The following DLGAP3 variants were observed in gnomAD, a reference collection of about 807,000 sequenced individuals.
DLGAP3 encodes the protein DLG associated protein 3, also known as disks large-associated protein 3.
Under a neutral mutation model 81.2 loss-of-function variants are expected in DLGAP3, and 17 were observed. That is an observed-to-expected ratio of 0.21 (90% CI 0.14 to 0.31). The LOEUF (loss-of-function observed/expected upper bound fraction) is 0.31, where lower values mean the gene tolerates loss of function less well. DLGAP3 is among the 10% of genes least tolerant of loss of function. The probability of loss-of-function intolerance (pLI) is 1.00; values close to 1 mark genes in which losing one functional copy is unlikely to be tolerated. For synonymous variants in DLGAP3, 577 were observed against 587.4 expected, an observed-to-expected ratio of 0.98 and a Z score of 0.26; for missense variants, 1,124 against 1,388.0, an observed-to-expected ratio of 0.81 and a Z score of 3.02.
chr1:34,899,320 G>A lies in DLGAP3; in HGVS notation c.1386+349C>T, dbSNP rs563332397. ...CCTGACCTCGTGATCCGACCACCTC[G>A]GCCTCCCAAAGTGCTGGGATCACAG... On this transcript the variant is annotated intron_variant, in intron 5 of 11. Coordinates refer to ENST00000373347, the MANE Select transcript of DLGAP3 (RefSeq NM_001080418.3). 1.3e-3 allele frequency among the ~76,000 whole-genome samples: 193 copies of A among 152,212 alleles called. 1 individual carries two copies. Among genetic ancestry groups the A allele is most frequent in the Middle Eastern group, 3.4e-3 (1 of 294 alleles).
chr1:34,892,160 G>A (rs1020619042), intron 5 of DLGAP3, among the ~76,000 whole-genome samples: 1 of 152,122 alleles, frequency 6.6e-6, no homozygotes, highest in Non-Finnish European at 1.5e-5. Flanking sequence ...TCACAACAAA[G>A]AGAGAGAGAT....
chr1:34,888,839 A>G (rs2148404045), intron 5 of DLGAP3, among the ~76,000 whole-genome samples: 1 of 152,308 alleles, frequency 6.6e-6, no homozygotes, highest in Admixed American at 6.5e-5. Context: ...TTCCTAAAAC[A>G]CAGGAACTGA....
chr1:34,909,092 A>G (rs547902496), intron 1 of DLGAP3, among the ~76,000 whole-genome samples: 1 of 152,356 alleles, frequency 6.6e-6, no homozygotes, highest in African/African-American at 2.4e-5. Flanking sequence ...AGCCCAGACT[A>G]TCCCATTTGC....
chr1:34,880,887 C>T (rs72657947), intron 8 of DLGAP3, among the ~76,000 whole-genome samples: 2,919 of 152,158 alleles, frequency 0.019, 46 homozygotes, highest in Middle Eastern at 0.041. Context: ...GGTCAATAAT[C>T]ACTAAAGAAA....
At chr1:34,898,499 T>C (rs539770932) in intron 5 of DLGAP3, among the ~76,000 whole-genome samples, 2 of 152,332 alleles carry the variant, frequency 1.3e-5, no homozygotes, top group East Asian at 3.9e-4. Flanking sequence ...GCCAATCAGA[T>C]TTCCTGGTTC....
intron 3 of DLGAP3, among the ~76,000 whole-genome samples, chr1:34,903,528 G>C (rs557300806): frequency 1.3e-5 from 2 of 152,280 alleles, no homozygotes; most frequent in South Asian, 4.1e-4. Flanking sequence ...ATGAGGCTGG[G>C]GTGAAGGCTC....
At position 34,867,515 on chromosome 1, in the gene DLGAP3, T is replaced by C; in HGVS notation, c.2577+21A>G. Reference sequence around the variant, plus strand: ...TCTGGGTCACATGTATCTGGTAGGATCTACTACTATGGGCACTCACCATGC... The same window carrying C: ...TCTGGGTCACATGTATCTGGTAGGACCTACTACTATGGGCACTCACCATGC... On this transcript the variant is annotated intron_variant, in intron 10 of 11. Transcript: ENST00000373347. This position sits in a 1 kb window ranked among gnomAD's most constrained non-coding sequence, Gnocchi z 4.3. 1 of 1,597,518 alleles carries C rather than the reference T, an allele frequency of 6.3e-7. No individual in the cohort carries two copies.
rs568566655 is a variant in DLGAP3, at chr1:34,910,923, G to C, written c.-134-3486C>G. ...TAGAACAATGCTTAGCATATGGCAG[G>C]CATTTGTTGAGTGAATGTGAGTCTA... is the stretch of plus-strand genomic sequence containing the variant. On this transcript the variant is annotated intron_variant, in intron 1 of 11. Transcript: ENST00000373347. Among the ~76,000 whole-genome samples the C allele has an allele frequency of 2.6e-3, 389 of 152,088 alleles. 3 individuals carry two copies. Among genetic ancestry groups the C allele is most frequent in the African/African-American group, 8.8e-3 (367 of 41,498 alleles).
At chr1:34,907,620 T>C (rs972053481) in intron 1 of DLGAP3, among the ~76,000 whole-genome samples, 183 bp from the exon 2 acceptor site, 2 of 152,170 alleles carry the variant, frequency 1.3e-5, no homozygotes, top group African/African-American at 2.4e-5. Context: ...ATTATGCAAA[T>C]ACATTCAAAT....
intron 1 of DLGAP3, among the ~76,000 whole-genome samples, chr1:34,927,341 C>T (rs1166253480): frequency 3.3e-5 from 5 of 152,158 alleles, no homozygotes; most frequent in East Asian, 3.9e-4. Context: ...CTCACAAATT[C>T]GTTGTGTGAC....
chr1:34,899,637 C>A, intron 5 of DLGAP3, 32 bp downstream of exon 5: 1 of 1,573,280 alleles, frequency 6.4e-7, no homozygotes, highest in Non-Finnish European at 8.7e-7. Flanking sequence ...CTTTTTCACT[C>A]TTTCCTCCAG....
chr1:34,915,463 A>G (rs1343703994), intron 1 of DLGAP3, among the ~76,000 whole-genome samples: 2 of 152,170 alleles, frequency 1.3e-5, no homozygotes, highest in East Asian at 3.9e-4. Flanking sequence ...GCCTGGCCAT[A>G]CCAATGACCT....
intron 8 of DLGAP3, among the ~76,000 whole-genome samples, chr1:34,872,365 G>A (rs1476160058): frequency 6.6e-6 from 1 of 152,170 alleles, no homozygotes; most frequent in Non-Finnish European, 1.5e-5. Context: ...GTCAGGAGGT[G>A]GAGAAAACTA....
chr1:34,899,662 T>C lies in DLGAP3; in HGVS notation c.1386+7A>G. On this transcript the variant is annotated splice_region_variant and intron_variant, in intron 5 of 11. Coordinates refer to ENST00000373347, the MANE Select transcript of DLGAP3 (RefSeq NM_001080418.3). ...CTTTCCTCCAGGCATACTGGGCCTC[T>C]CCCTACCTGTCCAGTGGTGAGGGAA... The C allele has an allele frequency of 6.2e-7, 1 of 1,612,446 alleles. No individual in the cohort carries two copies. Among genetic ancestry groups the C allele is most frequent in the Non-Finnish European group, 8.5e-7 (1 of 1,178,674 alleles).
At position 34,866,144 on chromosome 1, in the gene DLGAP3, G is replaced by C; in HGVS notation, c.2879C>G (p.Ser960Trp). The change falls in exon 12 of 12, where the codon TCG (serine) becomes TGG (tryptophan). Residue 960 changes from serine to tryptophan, a missense_variant. By Grantham distance (177) the Ser-to-Trp change is radical (BLOSUM62 -3). Transcript: ENST00000373347. ...GATGCTGTCGGCGCTCTCGGTGGCCGAGCTGTGGCGGAAGGAAGCGGCGCG... is the reference window on the plus strand; with the variant it reads ...GATGCTGTCGGCGCTCTCGGTGGCCCAGCTGTGGCGGAAGGAAGCGGCGCG... ...AKRAASFRHS[S>W]ATESADSIEI... 1 of 1,599,160 alleles carries C rather than the reference G, an allele frequency of 6.3e-7. No individual in the cohort carries two copies. The highest frequency in any genetic ancestry group is 8.5e-7 in the Non-Finnish European group (1 of 1,179,192).
chr1:34,890,402 G>C (rs1639294150), intron 5 of DLGAP3, among the ~76,000 whole-genome samples: 2 of 152,128 alleles, frequency 1.3e-5, no homozygotes, highest in South Asian at 4.1e-4. Flanking sequence ...CCATCTCCTG[G>C]AACTCACACC....
Position 34,868,556 on chromosome 1 carries a change from C to T in DLGAP3, c.2485+49G>A. ...CCCCCATCAGGGTCTCCTGAGCACACACGAGGCCATGGTCCCCAGAGTCCC... is the reference window on the plus strand; with the variant it reads ...CCCCCATCAGGGTCTCCTGAGCACATACGAGGCCATGGTCCCCAGAGTCCC... On this transcript the variant is annotated intron_variant, in intron 9 of 11. Coordinates refer to ENST00000373347, the MANE Select transcript of DLGAP3 (RefSeq NM_001080418.3). This position sits in a 1 kb window ranked among gnomAD's most constrained non-coding sequence, Gnocchi z 7.5. The T allele has an allele frequency of 2.6e-6, 4 of 1,528,934 alleles. No individual in the cohort carries two copies. Among genetic ancestry groups the T allele is most frequent in the South Asian group, 1.1e-5 (1 of 89,462 alleles). 94.7% of individuals were successfully genotyped at this position (1,528,934 alleles called of 1,614,324 possible).
intron 1 of DLGAP3, among the ~76,000 whole-genome samples, chr1:34,913,023 A>G (rs1245883392): frequency 6.6e-6 from 1 of 151,862 alleles, no homozygotes; most frequent in Non-Finnish European, 1.5e-5. Context: ...CCTCAACCCC[A>G]CTAGCCAGCC....
intron 11 of DLGAP3, among the ~76,000 whole-genome samples, 163 bp from the exon 12 acceptor site, chr1:34,866,464 C>G (rs1386924026): frequency 6.6e-6 from 1 of 152,164 alleles, no homozygotes; most frequent in East Asian, 1.9e-4. Flanking sequence ...CCCAGGTGCT[C>G]CTGTTCCGAC....
Sources: gnomAD v4.1 joint callset for allele counts (sites outside exome capture counted in the v4.1 genomes callset) on GRCh38, gnomAD v4.1.1 for gene constraint, Gnocchi (gnomAD v3.1) non-coding constraint, MANE v1.5 for transcripts, NCBI Gene and HGNC (gene_info 2026-07-23, HGNC 2026-07-21) for gene names.